AKR1C3: variants seen among roughly 807,000 people sequenced by gnomAD.
AKR1C3 encodes aldo-keto reductase family 1 member C3.
Under a neutral mutation model 43.6 loss-of-function variants are expected in AKR1C3, and 48 were observed. The ratio of observed to expected loss-of-function variants is 1.10; its 90% CI spans 0.87 to 1.40. The LOEUF (loss-of-function observed/expected upper bound fraction) is 1.40, where lower values mean the gene tolerates loss of function less well. Among genes scored for constraint, AKR1C3 ranks in the 40% most tolerant of loss-of-function variants. The pLI is 0.00. For missense variants in AKR1C3, 482 were observed against 391.2 expected (o/e 1.23, Z -1.96); for synonymous variants, 162 against 139.6 (o/e 1.16, Z -1.13).
In AKR1C3 at chr10:5,102,260, T is replaced by C. The variant is rs782418689; in HGVS notation, c.680+50T>C. 1.9e-6 allele frequency: 3 copies of C among 1,590,216 alleles called. No homozygotes were observed. The Admixed American group carries it at 5.1e-5, about 27-fold the overall frequency. On this transcript the variant is annotated intron_variant, in intron 6 of 8. Coordinates refer to ENST00000380554, the MANE Select transcript of AKR1C3 (RefSeq NM_003739.6). ...CATAAACCTTCATTTTGCAGAAAAT[T>C]TTTTAGTCAGAGCATCCTCAGTTTC... is the stretch of plus-strand genomic sequence containing the variant.
chr10:5,060,270 C>T (rs1838354062), intron 1 of AKR1C3, among the ~76,000 whole-genome samples: 1 of 152,204 alleles, frequency 6.6e-6, no homozygotes, highest in Non-Finnish European at 1.5e-5. Context: ...CTGGCTTGGC[C>T]AGCCTGCTTT....
chr10:5,101,016 T>C (rs782606561), intron 5 of AKR1C3, among the ~76,000 whole-genome samples: 26 of 152,192 alleles, frequency 1.7e-4, no homozygotes, highest in Admixed American at 5.9e-4. Context: ...ATGAAGACAT[T>C]CTTCCAGCTA....
rs1315282902 is a variant in AKR1C3 at position 5,063,128 on chromosome 10, G to A, written c.84+14233G>A. 3.3e-5 allele frequency among the ~76,000 whole-genome samples: 5 copies of A among 152,104 alleles called. No individual in the cohort carries two copies. In the East Asian group the frequency reaches 9.6e-4, roughly 29 times the overall value. On this transcript the variant is annotated intron_variant, in intron 1 of 8. Coordinates refer to the AKR1C3 transcript ENST00000439082. ...TGAAAACATGTATTTTTGAAATTTT[G>A]GAATTGTACTCTATTTTTCTTGAAG...
In AKR1C3 at chr10:5,105,663, T is replaced by C. The variant is rs1554787071; in HGVS notation, c.915T>C (p.Tyr305=). 1 of 1,613,172 alleles carries C rather than the reference T, an allele frequency of 6.2e-7. No individual in the cohort carries two copies. Among genetic ancestry groups the C allele is most frequent in the Admixed American group, 1.7e-5 (1 of 59,994 alleles). ...AIDGLDRNLH[Y]FNSDSFASHP... ...ATGGCCTAGACAGAAATCTCCACTA[T>C]TTTAACAGTGATAGGTAAGTTTCCT... Residue 305 remains tyrosine, a synonymous_variant, in exon 8 of 9, where the codon TAT becomes TAC. Coordinates refer to ENST00000380554, the MANE Select transcript of AKR1C3 (RefSeq NM_003739.6).
At chr10:5,104,326 A>G (rs953346295) in intron 7 of AKR1C3, among the ~76,000 whole-genome samples, 1 of 152,196 alleles carries the variant, frequency 6.6e-6, no homozygotes, top group East Asian at 1.9e-4. Context: ...TTCTAAATTG[A>G]TATCAAAAGG....
chr10:5,107,507 G>A lies in AKR1C3; in HGVS notation c.*4G>A, dbSNP rs1317462372. 2.5e-6 allele frequency: 4 copies of A among 1,588,478 alleles called. No individual in the cohort carries two copies. Among genetic ancestry groups the A allele is most frequent in the Admixed American group, 1.7e-5 (1 of 59,702 alleles). ...TCCATATTCAGATGAATATTAACAT[G>A]GAGGGCTTTGCCTGATGTCTACCAG... On this transcript the variant is annotated 3_prime_UTR_variant, in exon 9 of 9. Coordinates refer to ENST00000380554, the MANE Select transcript of AKR1C3 (RefSeq NM_003739.6).
At chr10:5,053,451 T>C (rs1838196262) in intron 1 of AKR1C3, among the ~76,000 whole-genome samples, 1 of 152,220 alleles carries the variant, frequency 6.6e-6, no homozygotes, top group Admixed American at 6.5e-5. Context: ...CACAAGGCCA[T>C]GCGCAGCCCC....
At chr10:5,099,604 G>A in intron 5 of AKR1C3, 155 bp downstream of exon 5, 1 of 1,347,366 alleles carries the variant, frequency 7.4e-7, no homozygotes, top group Non-Finnish European at 1.0e-6. Flanking sequence ...AAGATTTCTT[G>A]TTTGTACCCT....
intron 1 of AKR1C3, among the ~76,000 whole-genome samples, chr10:5,082,476 C>CT (rs147931982): frequency 7.2e-5 from 11 of 152,110 alleles, no homozygotes; most frequent in African/African-American, 2.4e-4. Context: ...GTCTAGTTTA[C>CT]TGAGAGTTTT....
intron 1 of AKR1C3, among the ~76,000 whole-genome samples, chr10:5,077,164 A>G (rs1057222197): frequency 3.9e-5 from 6 of 151,926 alleles, no homozygotes; most frequent in East Asian, 3.9e-4. Context: ...CCACCTCCAC[A>G]TTGGAAAAAC....
intron 8 of AKR1C3, 51 bp from the exon 9 acceptor site, chr10:5,107,410 C>T (rs781837663): frequency 7.8e-7 from 1 of 1,274,590 alleles, no homozygotes; most frequent in Admixed American, 1.7e-5. Flanking sequence ...CTTTACTACT[C>T]CCCTAGTAAT....
intron 1 of AKR1C3, among the ~76,000 whole-genome samples, chr10:5,075,965 G>C (rs1369874195): frequency 6.6e-6 from 1 of 151,928 alleles, no homozygotes; most frequent in African/African-American, 2.4e-5. Flanking sequence ...ACAGGTTGCT[G>C]GGGCTAAGAT....
chr10:5,090,494 A>C, upstream of AKR1C3, among the ~76,000 whole-genome samples: 1 of 152,156 alleles, frequency 6.6e-6, no homozygotes, highest in East Asian at 1.9e-4. Context: ...CTACTGTCCC[A>C]TAGCTCTCTA....
chr10:5,063,152 A>T (rs1365327793), intron 1 of AKR1C3, among the ~76,000 whole-genome samples: 1 of 152,096 alleles, frequency 6.6e-6, no homozygotes, highest in Non-Finnish European at 1.5e-5. Flanking sequence ...TTTTTCTTGA[A>T]GATTTAAAAT....
At chr10:5,078,936 AT>A (rs1377934364) in intron 1 of AKR1C3, among the ~76,000 whole-genome samples, 3 of 152,188 alleles carry the variant, frequency 2.0e-5, no homozygotes, top group African/African-American at 7.2e-5. Flanking sequence ...TCTTTAAGGC[AT>A]TAACACTCAC....
At chr10:5,085,565 G>C (rs1446824635) in intron 1 of AKR1C3, among the ~76,000 whole-genome samples, 1 of 151,762 alleles carries the variant, frequency 6.6e-6, no homozygotes, top group Non-Finnish European at 1.5e-5. Context: ...GCCAGGCTTT[G>C]GTATCAGGAT....
At chr10:5,102,064 A>G in intron 5 of AKR1C3, 37 bp from the exon 6 acceptor site, 1 of 1,264,814 alleles carries the variant, frequency 7.9e-7, no homozygotes, top group Non-Finnish European at 1.2e-6. Flanking sequence ...TAACTATTTC[A>G]TATAAATTGA....
chr10:5,082,940 A>T (rs1482483825), intron 1 of AKR1C3, among the ~76,000 whole-genome samples: 1 of 152,116 alleles, frequency 6.6e-6, no homozygotes, highest in Non-Finnish European at 1.5e-5. Context: ...TTTCACTAGA[A>T]AATTTTTAAT....
At chr10:5,065,676 T>C (rs1427313633) in intron 1 of AKR1C3, among the ~76,000 whole-genome samples, 7 of 152,246 alleles carry the variant, frequency 4.6e-5, no homozygotes, top group Non-Finnish European at 1.0e-4. Flanking sequence ...GCAGTTTCCA[T>C]TGGTTACTTG....
Sources: gnomAD v4.1 joint callset for allele counts (sites outside exome capture counted in the v4.1 genomes callset) on GRCh38, gnomAD v4.1.1 for gene constraint, MANE v1.5 for transcripts, NCBI Gene and HGNC (gene_info 2026-07-23, HGNC 2026-07-21) for gene names.